MYLK3: variants seen among roughly 807,000 people sequenced by gnomAD.
MYLK3 encodes MLC kinase.
In MYLK3, 55 loss-of-function variants were observed where a neutral mutation model predicts 76.3. The ratio of observed to expected loss-of-function variants is 0.72; its 90% CI spans 0.58 to 0.90. The LOEUF is 0.90. Ranked by LOEUF, MYLK3 falls within the 40% of genes least tolerant of loss-of-function variation. The pLI, the probability that MYLK3 is intolerant of heterozygous loss-of-function variation, is 0.00. For missense variants in MYLK3, 973 were observed against 1,053.6 expected, an observed-to-expected ratio of 0.92 and a Z score of 1.06; for synonymous variants, 416 against 425.4, an observed-to-expected ratio of 0.98 and a Z score of 0.27.
In MYLK3 at chr16:46,704,739, G is replaced by A. The variant is rs1966608760; in HGVS notation, c.*2965C>T. Reference sequence around the variant, plus strand: ...CTGTACTATATTTTTGTTGGGCAGTGCTGCTCTAGATATGGTAATTAACTG... The same window carrying A: ...CTGTACTATATTTTTGTTGGGCAGTACTGCTCTAGATATGGTAATTAACTG... On this transcript the variant is annotated 3_prime_UTR_variant, in exon 13 of 13. Coordinates refer to ENST00000394809, the MANE Select transcript of MYLK3 (RefSeq NM_182493.3). 1 of 152,188 alleles carries A rather than the reference G, an allele frequency of 6.6e-6. No individual in the cohort carries two copies. Among genetic ancestry groups the A allele is most frequent in the Admixed American group, 6.5e-5 (1 of 15,278 alleles). The allele number at this position is 152,188 out of a possible 1,614,324, so 9.4% of individuals were successfully genotyped here. A position where few individuals can be genotyped will look rare whatever the true frequency, so the allele number is the denominator to read the frequency against.
chr16:46,743,892 C>CT (rs1441912513), intron 1 of MYLK3, among the ~76,000 whole-genome samples: 1 of 152,076 alleles, frequency 6.6e-6, no homozygotes, highest in Non-Finnish European at 1.5e-5. Context: ...AACTATGAGA[C>CT]ATAAACCAAA....
intron 3 of MYLK3, among the ~76,000 whole-genome samples, chr16:46,735,935 G>A (rs894698528): frequency 6.6e-6 from 1 of 152,208 alleles, no homozygotes; most frequent in Non-Finnish European, 1.5e-5. Context: ...GCAGACTCAC[G>A]GCAGGCAGTG....
chr16:46,732,583 C>T lies in MYLK3; in HGVS notation c.1087G>A (p.Glu363Lys). The T allele has an allele frequency of 6.3e-7, 1 of 1,598,458 alleles. No homozygotes were observed. The highest frequency in any genetic ancestry group is 8.5e-7 in the Non-Finnish European group (1 of 1,179,136). The change falls in exon 4 of 13, where the codon GAG becomes AAG. Residue 363 changes from glutamate (E) to lysine (K), a missense_variant. This residue lies in a region of MYLK3 where 641 missense variants were observed against 637.0 expected (regional missense o/e 1.01). Transcript: ENST00000394809. ...CCTGGCTGGGCAGCTGCTGGAGCCT[C>T]TGTGGTGAGGGTGGGTCCAAGGCTG... The part of the protein sequence containing the change: ...RGSLGPTLTT[E>K]APAAAQPGKQ...
chr16:46,731,106 T>A (rs1966851687), intron 4 of MYLK3, among the ~76,000 whole-genome samples: 1 of 152,208 alleles, frequency 6.6e-6, no homozygotes, highest in Non-Finnish European at 1.5e-5. Context: ...CATGAGGGTG[T>A]TATGAGAGGG....
rs191847543 is a variant in MYLK3 at position 46,703,073 on chromosome 16, G to A, written c.*4631C>T. The stretch of plus-strand genomic sequence containing the variant: ...CTGTTAAGTTTCTTGCATATCCTAC[G>A]GTTTTTTAATGCACATATAAGCATA... On this transcript the variant is annotated 3_prime_UTR_variant, in exon 13 of 13. Coordinates refer to ENST00000394809, the MANE Select transcript of MYLK3 (RefSeq NM_182493.3). 8.9e-4 allele frequency among the ~76,000 whole-genome samples: 135 copies of A among 151,870 alleles called. No individual in the cohort carries two copies. Among genetic ancestry groups the A allele is most frequent in the African/African-American group, 3.2e-3 (131 of 41,360 alleles).
intron 12 of MYLK3, 137 bp downstream of exon 12, chr16:46,709,402 A>G: frequency 1.0e-6 from 1 of 969,534 alleles, no homozygotes; most frequent in Non-Finnish European, 1.5e-6. Context: ...AGCCTGGGCA[A>G]CAGAGCAAGA....
intron 9 of MYLK3, 146 bp downstream of exon 9, chr16:46,720,977 T>C (rs1966793193): frequency 1.4e-6 from 1 of 740,244 alleles, no homozygotes; most frequent in East Asian, 2.5e-5. Flanking sequence ...TGTCTGCAAG[T>C]CAAAGGCCAC....
chr16:46,731,860 G>T (rs563854945), intron 4 of MYLK3, among the ~76,000 whole-genome samples: 98 of 152,252 alleles, frequency 6.4e-4, no homozygotes, highest in African/African-American at 2.2e-3. Flanking sequence ...GGAGGCCGAG[G>T]CTGGAGGATC....
At position 46,703,027 on chromosome 16, in the gene MYLK3, T is replaced by C. The variant is rs1238667071; in HGVS notation, c.*4677A>G. On this transcript the variant is annotated 3_prime_UTR_variant, in exon 13 of 13. Transcript: ENST00000394809. ...AAAAGTGGAATTCCCCCTCTCCCAA[T>C]CACCCACTTTTCACACTCCACTGTT... Among the ~76,000 whole-genome samples the C allele has an allele frequency of 6.8e-6, 1 of 146,242 alleles. No individual in the cohort carries two copies.
chr16:46,746,578 G>T (rs1161714575), intron 1 of MYLK3, among the ~76,000 whole-genome samples: 1 of 152,048 alleles, frequency 6.6e-6, no homozygotes, highest in Non-Finnish European at 1.5e-5. Flanking sequence ...GTGCCACAAT[G>T]CCTGGTAAAT....
intron 7 of MYLK3, among the ~76,000 whole-genome samples, 169 bp downstream of exon 7, chr16:46,728,855 A>G (rs1966847126): frequency 6.6e-6 from 1 of 152,236 alleles, no homozygotes; most frequent in African/African-American, 2.4e-5. Context: ...TGTCCTCCAC[A>G]TTCCGTATTG....
chr16:46,726,703 AAGAAAG>A (rs1966842215), intron 8 of MYLK3: 1 of 149,926 alleles, frequency 6.7e-6, no homozygotes, highest in Admixed American at 6.6e-5. Context: ...GAAAGAAAGA[AAGAAAG>A]AAAGAAAGAA....
At chr16:46,742,447 A>C (rs437916) in intron 1 of MYLK3, among the ~76,000 whole-genome samples, 10,624 of 130,900 alleles carry the variant, frequency 0.081, 541 homozygotes, top group Non-Finnish European at 0.11. Flanking sequence ...TCCCAGCAAA[A>C]ACACACACAC....
At chr16:46,745,093 G>C (rs1967000559) in intron 1 of MYLK3, among the ~76,000 whole-genome samples, 2 of 151,992 alleles carry the variant, frequency 1.3e-5, no homozygotes, top group Non-Finnish European at 2.9e-5. Flanking sequence ...CCCACACCTT[G>C]ATGGTAGGAG....
chr16:46,732,810 C>A, intron 3 of MYLK3, 142 bp from the exon 4 acceptor site: 1 of 650,446 alleles, frequency 1.5e-6, no homozygotes, highest in Non-Finnish European at 2.5e-6. Context: ...CAGGAGCTGA[C>A]TTCAGTGACA....
chr16:46,714,414 G>A (rs1966715997), intron 9 of MYLK3, among the ~76,000 whole-genome samples: 1 of 152,160 alleles, frequency 6.6e-6, no homozygotes, highest in African/African-American at 2.4e-5. Flanking sequence ...CAAAGACTCA[G>A]CGCCAACACA....
chr16:46,717,292 C>T (rs1394996760), intron 9 of MYLK3, among the ~76,000 whole-genome samples: 1 of 152,172 alleles, frequency 6.6e-6, no homozygotes, highest in Non-Finnish European at 1.5e-5. Context: ...CTTTTGATCA[C>T]AGAAGTCTTC....
chr16:46,723,650 CTT>C (rs34270947), intron 8 of MYLK3, among the ~76,000 whole-genome samples: 1 of 130,486 alleles, frequency 7.7e-6, no homozygotes, highest in Non-Finnish European at 1.6e-5. Context: ...CTAGCTGATG[CTT>C]TTTTTTTTTT....
Position 46,729,589 on chromosome 16 carries a change from C to T in MYLK3, c.1662+5G>A, listed in dbSNP as rs770014661. 1 of 1,613,450 alleles carries T rather than the reference C, an allele frequency of 6.2e-7. No homozygotes were observed. Among genetic ancestry groups the T allele is most frequent in the South Asian group, 1.1e-5 (1 of 91,078 alleles). The stretch of plus-strand genomic sequence containing the variant: ...ACAGGGACCTGGCCCAGCCAGATGC[C>T]TCACCCGGTCCTTGGCGCTCTTCAC... On this transcript the variant is annotated splice_donor_5th_base_variant and intron_variant, in intron 6 of 12. Transcript: ENST00000394809.
Sources: allele counts gnomAD v4.1 joint callset (sites outside exome capture counted in the v4.1 genomes callset), GRCh38; gene constraint gnomAD v4.1.1; regional missense constraint gnomAD v4.1.1; transcripts MANE v1.5; gene names NCBI Gene and HGNC (gene_info 2026-07-23, HGNC 2026-07-21).